GADD45A: variants seen among roughly 807,000 people sequenced by gnomAD.
GADD45A encodes growth arrest and DNA damage inducible alpha.
Under a neutral mutation model 17.7 loss-of-function variants are expected in GADD45A, and 9 were observed. The observed-to-expected ratio is 0.51, with a 90% CI of 0.31 to 0.89. The LOEUF (loss-of-function observed/expected upper bound fraction) is 0.89, where lower values mean the gene tolerates loss of function less well. Ranked by LOEUF, GADD45A falls within the 40% of genes least tolerant of loss-of-function variation. The pLI, the probability that GADD45A is intolerant of heterozygous loss-of-function variation, is 0.05. For missense variants in GADD45A, 149 were observed against 220.6 expected, an observed-to-expected ratio of 0.68 and a Z score of 2.06; for synonymous variants, 95 against 92.2, an observed-to-expected ratio of 1.03 and a Z score of -0.17.
chr1:67,686,345 C>T lies in GADD45A; in HGVS notation c.147-5C>T. 2 of 1,610,444 alleles carry T rather than the reference C, an allele frequency of 1.2e-6. No individual in the cohort carries two copies. The highest frequency in any genetic ancestry group is 8.5e-7 in the Non-Finnish European group (1 of 1,177,938). ...GCGCTCACTGGCCCCGCCCGCTGCC[C>T]CCAGCGACCCCGATAACGTGGTGTT... is the stretch of plus-strand genomic sequence containing the variant. On this transcript the variant is annotated splice_polypyrimidine_tract_variant and splice_region_variant and intron_variant, in intron 2 of 3. Transcript: ENST00000370986.
rs1491093371 is a variant in GADD45A at position 67,685,713 on chromosome 1, TGC to T, written c.44+176_44+177del. The T allele has an allele frequency of 4.4e-6, 3 of 682,872 alleles. No homozygotes were observed. In the African/African-American group the frequency reaches 5.5e-5, roughly 13 times the overall value. 42.3% of individuals were successfully genotyped at this position (682,872 alleles called of 1,614,324 possible). A position where few individuals can be genotyped will look rare whatever the true frequency, so the allele number is the denominator to read the frequency against. On this transcript the variant is annotated intron_variant, in intron 1 of 3. Transcript: ENST00000370986. ...GGAGCTCCCACGGACTGAAAGAGCG[TGC>T]CCCCCAACCCGAACGAGCCCCGCCG...
chr1:67,685,445 G>A lies in GADD45A; in HGVS notation c.-50G>A, dbSNP rs752042374. The A allele has an allele frequency of 3.2e-6, 5 of 1,567,670 alleles. No homozygotes were observed. The highest frequency in any genetic ancestry group is 1.8e-5 in the Admixed American group (1 of 55,698). On this transcript the variant is annotated 5_prime_UTR_variant, in exon 1 of 4. Transcript: ENST00000370986. Reference sequence around the variant, plus strand: ...GGCGCCCGCGCGCTAGCCGTGGCAGGAGCAGCCCGCACGCCGCGCTCTCTC... The same window carrying A: ...GGCGCCCGCGCGCTAGCCGTGGCAGAAGCAGCCCGCACGCCGCGCTCTCTC...
chr1:67,686,016 C>A lies in GADD45A; in HGVS notation c.45-9C>A. 6.3e-7 allele frequency: 1 copy of A among 1,589,070 alleles called. No homozygotes were observed. The highest frequency in any genetic ancestry group is 8.6e-7 in the Non-Finnish European group (1 of 1,167,266). Reference sequence around the variant, plus strand: ...GCTGACGGGACCCCTCGCCCTTGCCCGCGTGTAGGATGGATAAGGTGGGGG... The same window carrying A: ...GCTGACGGGACCCCTCGCCCTTGCCAGCGTGTAGGATGGATAAGGTGGGGG... On this transcript the variant is annotated splice_polypyrimidine_tract_variant and intron_variant, in intron 1 of 3. Transcript: ENST00000370986.
chr1:67,685,898 T>A (rs925788490), intron 1 of GADD45A, 127 bp from the exon 2 acceptor site: 17 of 646,284 alleles, frequency 2.6e-5, no homozygotes, highest in African/African-American at 1.1e-4. Flanking sequence ...CGCCGGGTTT[T>A]CGTAGAGCCC....
chr1:67,685,959 A>C (rs1038215749), intron 1 of GADD45A, 66 bp from the exon 2 acceptor site: 4 of 1,032,930 alleles, frequency 3.9e-6, no homozygotes, highest in South Asian at 1.4e-5. Context: ...GTACCGGACG[A>C]GGGGGGCGGC....
In GADD45A at chr1:67,686,156, G is replaced by A. The variant is rs773761974; in HGVS notation, c.146+30G>A. ...GTGGGGCCCTTGCGCGTCCCCCATG[G>A]CACCCCTTCCCGCCCCAGCCCGGGA... is the stretch of plus-strand genomic sequence containing the variant. On this transcript the variant is annotated intron_variant, in intron 2 of 3. Coordinates refer to ENST00000370986, the MANE Select transcript of GADD45A (RefSeq NM_001924.4). 5 of 1,564,516 alleles carry A rather than the reference G, an allele frequency of 3.2e-6. No individual in the cohort carries two copies. The East Asian group carries it at 7.0e-5, about 22-fold the overall frequency.
At position 67,686,357 on chromosome 1, in the gene GADD45A, G is replaced by T; in HGVS notation, c.154G>T (p.Asp52Tyr). The T allele has an allele frequency of 6.2e-7, 1 of 1,611,988 alleles. No homozygotes were observed. The highest frequency in any genetic ancestry group is 8.5e-7 in the Non-Finnish European group (1 of 1,178,832). ...EAAKLLNVDP[D>Y]NVVLCLLAAD... is the part of the protein sequence containing the mutation. ...CCCGCCCGCTGCCCCCAGCGACCCC[G>T]ATAACGTGGTGTTGTGCCTGCTGGC... The change falls in exon 3 of 4, where the codon GAT becomes TAT. Residue 52 changes from aspartate (D) to tyrosine (Y), a missense_variant. Asp to Tyr is a radical substitution (Grantham distance 160, BLOSUM62 -3). Coordinates refer to ENST00000370986, the MANE Select transcript of GADD45A (RefSeq NM_001924.4).
Position 67,686,077 on chromosome 1 carries a change from C to G in GADD45A, c.97C>G (p.Gln33Glu), listed in dbSNP as rs776252488. The G allele has an allele frequency of 1.1e-4, 175 of 1,609,598 alleles. 1 individual carries two copies. Among genetic ancestry groups the G allele is most frequent in the Non-Finnish European group, 1.4e-4 (170 of 1,178,348 alleles). Residue 33 changes from glutamine (Q) to glutamate (E), a missense_variant, in exon 2 of 4, where the codon CAG becomes GAG. Transcript: ENST00000370986. ...GGAAGTGCTCAGCAAAGCCCTGAGT[C>G]AGCGCACGATCACTGTCGGGGTGTA... Reference protein sequence around the residue: ...LEEVLSKALSQRTITVGVYEA... With the variant: ...LEEVLSKALSERTITVGVYEA...
At chr1:67,687,439 T>C (rs961678971) in intron 3 of GADD45A, among the ~76,000 whole-genome samples, 3 of 152,212 alleles carry the variant, frequency 2.0e-5, no homozygotes, top group African/African-American at 7.2e-5. Context: ...TTGGGTTGCA[T>C]GGGTTCAGAC....
rs932348437 is a variant in GADD45A at position 67,685,310 on chromosome 1, G to T, written c.-185G>T. On this transcript the variant is annotated 5_prime_UTR_variant, in exon 1 of 4. Transcript: ENST00000370986. ...AGCAAGCAAGGCGGGAGGGGTGGCC[G>T]GAGCTGCGGCGGCTGGCACAGGAGG... The T allele has an allele frequency of 3.7e-6, 2 of 542,550 alleles. No homozygotes were observed. Among genetic ancestry groups the T allele is most frequent in the Non-Finnish European group, 6.4e-6 (2 of 310,390 alleles). The allele number at this position is 542,550 out of a possible 1,614,324, so 33.6% of individuals were successfully genotyped here. A position where few individuals can be genotyped will look rare whatever the true frequency, so the allele number is the denominator to read the frequency against.
Position 67,686,340 on chromosome 1 carries a change from CT to C in GADD45A, c.147-9del, listed in dbSNP as rs1557583537. ...CTTCTGCGCTCACTGGCCCCGCCCGCTGCCCCCAGCGACCCCGATAACGTGG... is the reference window on the plus strand; with the variant it reads ...CTTCTGCGCTCACTGGCCCCGCCCGCGCCCCCAGCGACCCCGATAACGTGG... On this transcript the variant is annotated splice_polypyrimidine_tract_variant and intron_variant, in intron 2 of 3. Coordinates refer to ENST00000370986, the MANE Select transcript of GADD45A (RefSeq NM_001924.4). The C allele has an allele frequency of 1.9e-6, 3 of 1,609,362 alleles. No homozygotes were observed. The highest frequency in any genetic ancestry group is 2.5e-6 in the Non-Finnish European group (3 of 1,177,238).
chr1:67,686,198 C>A, intron 2 of GADD45A, 72 bp downstream of exon 2: 2 of 1,391,190 alleles, frequency 1.4e-6, no homozygotes, highest in Non-Finnish European at 2.0e-6. Flanking sequence ...CTTGGCTGGG[C>A]GCCCCTCGCC....
chr1:67,686,254 G>A (rs1570458246), intron 2 of GADD45A, 96 bp from the exon 3 acceptor site: 1 of 1,374,664 alleles, frequency 7.3e-7, no homozygotes, highest in Non-Finnish European at 1.0e-6. Context: ...TCGGAAGGGA[G>A]GGGGCGAGCG....
At chr1:67,687,066 AT>A (rs1368244494) in intron 3 of GADD45A, among the ~76,000 whole-genome samples, 3 of 149,876 alleles carry the variant, frequency 2.0e-5, no homozygotes, top group Admixed American at 2.0e-4. Flanking sequence ...GCAATCTTGC[AT>A]TTTTTTAATG....
chr1:67,685,247 G>T lies in GADD45A; in HGVS notation c.-248G>T. 4 of 501,774 alleles carry T rather than the reference G, an allele frequency of 8.0e-6. No individual in the cohort carries two copies. The highest frequency in any genetic ancestry group is 1.4e-5 in the Non-Finnish European group (4 of 286,456). The allele number at this position is 501,774 out of a possible 1,614,324, so 31.1% of individuals were successfully genotyped here. On this transcript the variant is annotated 5_prime_UTR_variant, in exon 1 of 4. Coordinates refer to ENST00000370986, the MANE Select transcript of GADD45A (RefSeq NM_001924.4). Reference sequence around the variant, plus strand: ...GGGAGGCAGCGGCCCAATTAGTGTCGTGCGGCCCGTGGCGAGGCGAGGTCC... The same window carrying T: ...GGGAGGCAGCGGCCCAATTAGTGTCTTGCGGCCCGTGGCGAGGCGAGGTCC...
intron 3 of GADD45A, 77 bp downstream of exon 3, chr1:67,686,664 G>A: frequency 7.6e-7 from 1 of 1,320,636 alleles, no homozygotes; most frequent in Non-Finnish European, 1.0e-6. Context: ...GCCTGATTGT[G>A]GATCTGTGGT....
chr1:67,686,197 G>C (rs901874412), intron 2 of GADD45A, 71 bp downstream of exon 2: 2 of 1,419,748 alleles, frequency 1.4e-6, no homozygotes, highest in East Asian at 2.5e-5. Flanking sequence ...CCTTGGCTGG[G>C]CGCCCCTCGC....
intron 1 of GADD45A, 102 bp downstream of exon 1, chr1:67,685,640 A>C: frequency 1.7e-6 from 2 of 1,193,598 alleles, no homozygotes; most frequent in East Asian, 2.6e-5. Flanking sequence ...GGAAGCTAAA[A>C]AGTTTGCACA....
rs1646130709 is a variant in GADD45A at position 67,686,015 on chromosome 1, C to T, written c.45-10C>T. 1 of 1,588,606 alleles carries T rather than the reference C, an allele frequency of 6.3e-7. No individual in the cohort carries two copies. The highest frequency in any genetic ancestry group is 2.3e-5 in the East Asian group (1 of 42,924). ...GGCTGACGGGACCCCTCGCCCTTGC[C>T]CGCGTGTAGGATGGATAAGGTGGGG... On this transcript the variant is annotated splice_polypyrimidine_tract_variant and intron_variant, in intron 1 of 3. Transcript: ENST00000370986.
Sources: allele counts gnomAD v4.1 joint callset (sites outside exome capture counted in the v4.1 genomes callset), GRCh38; gene constraint gnomAD v4.1.1; transcripts MANE v1.5; gene names NCBI Gene and HGNC (gene_info 2026-07-23, HGNC 2026-07-21).